AQR: variants seen among roughly 807,000 people sequenced by gnomAD.
The protein encoded by AQR is aquarius intron-binding spliceosomal factor.
In AQR, 61 loss-of-function variants were observed where a neutral mutation model predicts 180.5. The observed-to-expected ratio is 0.34, with a 90% CI of 0.28 to 0.42. AQR has a LOEUF of 0.42. Among genes scored for constraint, AQR ranks in the 10% least tolerant of loss-of-function variants. The pLI, the probability that AQR is intolerant of heterozygous loss-of-function variation, is 1.00. For missense variants in AQR, 1,281 were observed against 1,798.3 expected (o/e 0.71, Z 5.20); for synonymous variants, 551 against 588.8 (o/e 0.94, Z 0.93).
intron 23 of AQR, among the ~76,000 whole-genome samples, chr15:34,893,015 C>G (rs1893173825): frequency 6.6e-6 from 1 of 152,140 alleles, no homozygotes; most frequent in African/African-American, 2.4e-5. Context: ...TACCTATGAT[C>G]AGATTTTCAT....
intron 9 of AQR, among the ~76,000 whole-genome samples, chr15:34,937,740 C>T (rs1041846020): frequency 1.4e-4 from 21 of 151,722 alleles, no homozygotes; most frequent in African/African-American, 4.4e-4. Flanking sequence ...AAAAATTAGC[C>T]GGGCGTGGTG....
Position 34,893,566 on chromosome 15 carries a change from CT to C in AQR, c.2571+96del, listed in dbSNP as rs1893182386. ...TATTGTGTCCCACACTTACCTCCCC[CT>C]CAACCCCTAACCTGCATACCCATGT... is the stretch of plus-strand genomic sequence containing the variant. On this transcript the variant is annotated intron_variant, in intron 23 of 34. Coordinates refer to ENST00000156471, the MANE Select transcript of AQR (RefSeq NM_014691.3). The C allele has an allele frequency of 2.9e-6, 3 of 1,034,996 alleles. No homozygotes were observed. The East Asian group carries it at 7.6e-5, about 26-fold the overall frequency. The allele number at this position is 1,034,996 out of a possible 1,614,324, so 64.1% of individuals were successfully genotyped here.
intron 16 of AQR, among the ~76,000 whole-genome samples, chr15:34,910,899 C>T (rs537728049): frequency 3.9e-5 from 6 of 152,150 alleles, no homozygotes; most frequent in South Asian, 2.1e-4. Flanking sequence ...ACTTATGTAT[C>T]TTGTAACTGA....
chr15:34,963,898 G>T (rs1481463756), intron 2 of AQR, among the ~76,000 whole-genome samples: 3 of 152,044 alleles, frequency 2.0e-5, no homozygotes, highest in Admixed American at 1.3e-4. Flanking sequence ...TCCTGACCTT[G>T]TGATCCACTG....
intron 25 of AQR, 103 bp downstream of exon 25, chr15:34,886,423 T>C (rs1893060716): frequency 1.6e-6 from 2 of 1,223,482 alleles, no homozygotes; most frequent in Non-Finnish European, 2.2e-6. Context: ...TCTAATCTAC[T>C]CAAAAAAATA....
At chr15:34,935,126 AT>A (rs905368326) in intron 9 of AQR, among the ~76,000 whole-genome samples, 9 of 152,062 alleles carry the variant, frequency 5.9e-5, no homozygotes, top group African/African-American at 2.2e-4. Flanking sequence ...AATTTTTATT[AT>A]TTTTTTCCAC....
chr15:34,860,294 G>T (rs1270798962), intron 33 of AQR, 139 bp from the exon 34 acceptor site: 1 of 407,670 alleles, frequency 2.5e-6, no homozygotes, highest in Non-Finnish European at 4.3e-6. Flanking sequence ...GACATAAAAT[G>T]CAAGTGTGAA....
intron 13 of AQR, among the ~76,000 whole-genome samples, chr15:34,922,520 C>T (rs1461019386): frequency 1.3e-5 from 2 of 151,984 alleles, no homozygotes; most frequent in African/African-American, 2.4e-5. Context: ...ACATCCTTGC[C>T]AAGAGTCAAT....
At chr15:34,951,971 A>G (rs1264544028) in intron 4 of AQR, among the ~76,000 whole-genome samples, 1 of 152,206 alleles carries the variant, frequency 6.6e-6, no homozygotes, top group Admixed American at 6.5e-5. Context: ...TAATAATAAT[A>G]CAGTCCTTAG....
chr15:34,939,073 C>CT (rs1204639354), intron 8 of AQR, among the ~76,000 whole-genome samples: 57 of 151,942 alleles, frequency 3.8e-4, no homozygotes, highest in African/African-American at 1.3e-3. Context: ...CTTTTTTCTG[C>CT]TTTTTTTGTT....
chr15:34,874,767 T>C lies in AQR; in HGVS notation c.3335A>G (p.Tyr1112Cys), dbSNP rs781455615. 1.2e-6 allele frequency: 2 copies of C among 1,613,870 alleles called. No individual in the cohort carries two copies. Among genetic ancestry groups the C allele is most frequent in the Non-Finnish European group, 1.7e-6 (2 of 1,179,842 alleles). The change falls in exon 29 of 35, where the codon TAC (tyrosine) becomes TGC (cysteine). Residue 1112 changes from tyrosine to cysteine, a missense_variant. Transcript: ENST00000156471. Reference protein sequence around the residue: ...PVIKNMAFQKYSNMEQSLFTR... With the variant: ...PVIKNMAFQKCSNMEQSLFTR... ...GAAGAGAGACTGCTCCATGTTTGAG[T>C]ACTTTTGAAAGGCCATGTTCTTAAT...
chr15:34,942,011 C>A lies in AQR; in HGVS notation c.540+1G>T. The A allele has an allele frequency of 6.2e-7, 1 of 1,607,994 alleles. No individual in the cohort carries two copies. The highest frequency in any genetic ancestry group is 8.5e-7 in the Non-Finnish European group (1 of 1,175,844). On this transcript the variant is annotated splice_donor_variant, in intron 7 of 34. Transcript: ENST00000156471. LOFTEE classifies it high-confidence loss of function. ...ATAAGACTCTGAAATTAGAGACTTA[C>A]CAGCTGTAAGCCCATCCACATTGGG...
intron 13 of AQR, among the ~76,000 whole-genome samples, chr15:34,925,246 G>GA (rs1001806996): frequency 5.3e-5 from 8 of 151,884 alleles, no homozygotes; most frequent in East Asian, 3.9e-4. Flanking sequence ...AAATGGCCAA[G>GA]AAAAAAACAG....
At chr15:34,887,206 G>A (rs1893075424) in intron 24 of AQR, among the ~76,000 whole-genome samples, 1 of 151,902 alleles carries the variant, frequency 6.6e-6, no homozygotes, top group Non-Finnish European at 1.5e-5. Context: ...TCTAGGAGGA[G>A]GGAAAGTCAA....
chr15:34,880,816 T>A (rs1213276686), intron 27 of AQR, among the ~76,000 whole-genome samples: 1 of 152,164 alleles, frequency 6.6e-6, no homozygotes, highest in East Asian at 1.9e-4. Flanking sequence ...CATTCTTGAC[T>A]GATATAGATG....
At chr15:34,962,506 A>T (rs1272796147) in intron 2 of AQR, among the ~76,000 whole-genome samples, 1 of 152,194 alleles carries the variant, frequency 6.6e-6, no homozygotes, top group South Asian at 2.1e-4. Context: ...TGGTGGCTCA[A>T]GCCTGTAATC....
At chr15:34,866,903 C>A (rs920213621) in intron 32 of AQR, among the ~76,000 whole-genome samples, 1 of 151,974 alleles carries the variant, frequency 6.6e-6, no homozygotes, top group Non-Finnish European at 1.5e-5. Context: ...GGAGAATTTT[C>A]TTTTTATTTC....
At chr15:34,904,274 T>A (rs1893377604) in intron 19 of AQR, 62 bp downstream of exon 19, 13 of 1,258,372 alleles carry the variant, frequency 1.0e-5, no homozygotes, top group Non-Finnish European at 1.1e-5. Flanking sequence ...ATCTCTGTAT[T>A]TATGTCATAA....
Position 34,887,238 on chromosome 15 carries a change from T to G in AQR, c.2682-577A>C, listed in dbSNP as rs147480543. Reference sequence around the variant, plus strand: ...TCAACTACATCACCAAATACACCATTTAGTTCAGCTCTCAATCTTTCTTTT... The same window carrying G: ...TCAACTACATCACCAAATACACCATGTAGTTCAGCTCTCAATCTTTCTTTT... On this transcript the variant is annotated intron_variant, in intron 24 of 34. Coordinates refer to ENST00000156471, the MANE Select transcript of AQR (RefSeq NM_014691.3). Among the ~76,000 whole-genome samples, 11 of 152,200 alleles carry G rather than the reference T, an allele frequency of 7.2e-5. No homozygotes were observed. The East Asian group carries it at 2.1e-3, about 29-fold the overall frequency.
Sources: allele counts gnomAD v4.1 joint callset (sites outside exome capture counted in the v4.1 genomes callset), GRCh38; gene constraint gnomAD v4.1.1; transcripts MANE v1.5; gene names NCBI Gene and HGNC (gene_info 2026-07-23, HGNC 2026-07-21).